Variants in CCZ1 observed in about 807,000 individuals in gnomAD.
CCZ1 encodes the protein CCZ1 vacuolar protein trafficking and biogenesis associated, also known as vacuolar fusion protein CCZ1 homolog.
CCZ1 carries 19 observed loss-of-function variants against 57.8 expected under a neutral mutation model. The observed-to-expected ratio is 0.33, with a 90% confidence interval of 0.23 to 0.48. CCZ1 has a LOEUF of 0.48. Among genes scored for constraint, CCZ1 ranks in the 20% least tolerant of loss-of-function variants. CCZ1 has a pLI of 0.99. For synonymous variants in CCZ1, 81 were observed against 167.0 expected (o/e 0.49, Z 3.97); for missense variants, 200 against 492.0 (o/e 0.41, Z 5.61).
At chr7:5,911,390 A>G (rs947108103) in intron 8 of CCZ1, among the ~76,000 whole-genome samples, 1 of 148,446 alleles carries the variant, frequency 6.7e-6, no homozygotes, top group African/African-American at 2.5e-5. Context: ...ATGGTCTCAA[A>G]CTCCTGGGCT....
chr7:5,911,944 T>A (rs1376051218), intron 9 of CCZ1, 22 bp downstream of exon 9: 1 of 1,550,982 alleles, frequency 6.4e-7, no homozygotes. Flanking sequence ...GTTCTTTGAT[T>A]TATGATACTG....
At chr7:5,900,197 C>T (rs1411421112) in intron 1 of CCZ1, 87 bp from the exon 2 acceptor site, 27 of 1,403,662 alleles carry the variant, frequency 1.9e-5, no homozygotes, top group Non-Finnish European at 2.6e-5. Context: ...ATGTGTGACA[C>T]AAGAGGTCGA....
rs530508568 is a variant in CCZ1 at position 5,902,923 on chromosome 7, G to T, written c.522+179G>T. Among the ~76,000 whole-genome samples, 34 of 148,886 alleles carry T rather than the reference G, an allele frequency of 2.3e-4. 8 individuals carry two copies. In the East Asian group the frequency reaches 7.7e-3, roughly 34 times the overall value. On this transcript the variant is annotated intron_variant, in intron 6 of 14. Transcript: ENST00000325974. ...AGGAAACGCATGAGGCTTGTGCTCTGGAACCTTCCCTCCAGCTGTGGTGTA... is the reference window on the plus strand; with the variant it reads ...AGGAAACGCATGAGGCTTGTGCTCTTGAACCTTCCCTCCAGCTGTGGTGTA...
intron 7 of CCZ1, among the ~76,000 whole-genome samples, chr7:5,907,754 C>G (rs192650922): frequency 1.2e-4 from 16 of 132,172 alleles, no homozygotes; most frequent in Admixed American, 7.7e-4. Context: ...GTTGTCACCT[C>G]CAGTGTGCTC....
chr7:5,910,160 C>T, intron 8 of CCZ1, 44 bp downstream of exon 8: 1 of 1,519,340 alleles, frequency 6.6e-7, no homozygotes, highest in Non-Finnish European at 9.1e-7. Context: ...TGCAGGGGCA[C>T]AGAGAGGGCA....
intron 7 of CCZ1, among the ~76,000 whole-genome samples, chr7:5,905,803 AAAAAG>A (rs1781800172): frequency 7.3e-6 from 1 of 136,870 alleles, no homozygotes; most frequent in African/African-American, 2.7e-5. Flanking sequence ...AAAAAAAAAA[AAAAAG>A]AGAAAATGTT....
At chr7:5,905,554 C>G (rs1451182446) in intron 7 of CCZ1, among the ~76,000 whole-genome samples, 4 of 145,584 alleles carry the variant, frequency 2.7e-5, no homozygotes, top group Non-Finnish European at 4.5e-5. Flanking sequence ...GAGGCTGAGG[C>G]GGGTGAATCA....
At chr7:5,900,050 T>C (rs1385551302) in intron 1 of CCZ1, among the ~76,000 whole-genome samples, 1 of 150,798 alleles carries the variant, frequency 6.6e-6, no homozygotes, top group East Asian at 2.0e-4. Context: ...TTTTAAATAA[T>C]AGAGACGTCT....
At chr7:5,899,288 T>TAATAGTTTTCGCCCAAATGAG (rs1258441627) in intron 1 of CCZ1, among the ~76,000 whole-genome samples, 7 of 135,286 alleles carry the variant, frequency 5.2e-5, no homozygotes, top group Non-Finnish European at 1.1e-4. Flanking sequence ...GAGGTCCCTG[T>TAATAGTTTTCGCCCAAATGAG]AATAGTTTTC....
chr7:5,902,877 C>G lies in CCZ1; in HGVS notation c.522+133C>G, dbSNP rs542647776. 4.4e-6 allele frequency: 5 copies of G among 1,141,330 alleles called. 1 individual carries two copies. Among genetic ancestry groups the G allele is most frequent in the South Asian group, 3.6e-5 (2 of 56,338 alleles). 70.7% of individuals were successfully genotyped at this position (1,141,330 alleles called of 1,614,324 possible). On this transcript the variant is annotated intron_variant, in intron 6 of 14. Transcript: ENST00000325974. ...AAGTGGCAAAGAGCCTGAGACAGAC[C>G]GTCGCAAAACTGGAGCAGCGAGGAA...
At chr7:5,906,267 G>C (rs954466275) in intron 7 of CCZ1, among the ~76,000 whole-genome samples, 1 of 146,358 alleles carries the variant, frequency 6.8e-6, no homozygotes, top group African/African-American at 2.5e-5. Context: ...GCTTGCAGCT[G>C]TTCTGGGACC....
Position 5,910,714 on chromosome 7 carries a change from A to ATTTTAT in CCZ1, c.780+601_780+602insTATTTT, listed in dbSNP as rs374723776. Among the ~76,000 whole-genome samples the ATTTTAT allele has an allele frequency of 1.3e-3, 135 of 103,284 alleles. 4 individuals carry two copies. The highest frequency in any genetic ancestry group is 4.0e-3 in the African/African-American group (107 of 26,854). 67.8% of individuals were successfully genotyped at this position (103,284 alleles called of 152,430 possible). ...TTAATTTATGTATTTTATTTTATTTATTTATTTATTTATTTATTTATTTAT... is the reference window on the plus strand; with the variant it reads ...TTAATTTATGTATTTTATTTTATTTATTTTATTTTATTTATTTATTTATTTATTTAT... On this transcript the variant is annotated intron_variant, in intron 8 of 14. Coordinates refer to ENST00000325974, the MANE Select transcript of CCZ1 (RefSeq NM_015622.6).
At chr7:5,902,476 C>A in intron 5 of CCZ1, 185 bp from the exon 6 acceptor site, 1 of 1,136,708 alleles carries the variant, frequency 8.8e-7, no homozygotes, top group Non-Finnish European at 1.2e-6. Context: ...GACAGCATCA[C>A]TTAACAGTAT....
At chr7:5,915,524 T>TA (rs1779131329) in intron 10 of CCZ1, among the ~76,000 whole-genome samples, 1 of 147,550 alleles carries the variant, frequency 6.8e-6, no homozygotes, top group Non-Finnish European at 1.5e-5. Context: ...AAAGGGTCCT[T>TA]ACCTTTTTCT....
chr7:5,919,846 C>T lies in CCZ1; in HGVS notation c.989-3C>T, dbSNP rs1201389965. ...ACTGGTATTTTTTGTCATGACTTGCCAGCCTCTGTCCACCCAACGTTGGAT... is the reference window on the plus strand; with the variant it reads ...ACTGGTATTTTTTGTCATGACTTGCTAGCCTCTGTCCACCCAACGTTGGAT... On this transcript the variant is annotated splice_region_variant and splice_polypyrimidine_tract_variant and intron_variant, in intron 11 of 14. Coordinates refer to ENST00000325974, the MANE Select transcript of CCZ1 (RefSeq NM_015622.6). The T allele has an allele frequency of 1.2e-6, 2 of 1,610,812 alleles. No homozygotes were observed. The highest frequency in any genetic ancestry group is 1.3e-5 in the African/African-American group (1 of 74,612).
At position 5,901,671 on chromosome 7, in the gene CCZ1, C is replaced by T; in HGVS notation, c.405C>T (p.Ser135=). ...QEEELLDKVY[S]SVLRQCYSMY... ...CGCGTCTGCAGGACAAGGTTTATAGCTCGGTGCTGCGGCAGTGCTACAGCA... is the reference window on the plus strand; with the variant it reads ...CGCGTCTGCAGGACAAGGTTTATAGTTCGGTGCTGCGGCAGTGCTACAGCA... Residue 135 remains serine (S), a synonymous_variant, in exon 5 of 15, where the codon AGC becomes AGT. Coordinates refer to ENST00000325974, the MANE Select transcript of CCZ1 (RefSeq NM_015622.6). 2 of 1,598,484 alleles carry T rather than the reference C, an allele frequency of 1.3e-6. No homozygotes were observed. Among genetic ancestry groups the T allele is most frequent in the Admixed American group, 1.7e-5 (1 of 59,332 alleles).
chr7:5,912,148 G>C (rs1195942475), intron 9 of CCZ1, among the ~76,000 whole-genome samples: 1 of 111,342 alleles, frequency 9.0e-6, no homozygotes, highest in African/African-American at 2.8e-5. Flanking sequence ...AGTAGAAACA[G>C]GGTTTCATCA....
rs1206441882 is a variant in CCZ1, at chr7:5,920,959, T to G, written c.1106+993T>G. ...CATACGTTGTTTTTTGGGTTTTTTT[T>G]TTTTTTTTTTTTAAGACAGAGTCTC... On this transcript the variant is annotated intron_variant, in intron 12 of 14. Coordinates refer to ENST00000325974, the MANE Select transcript of CCZ1 (RefSeq NM_015622.6). Among the ~76,000 whole-genome samples the G allele has an allele frequency of 7.0e-4, 80 of 114,828 alleles. 2 individuals carry two copies. The highest frequency in any genetic ancestry group is 2.3e-3 in the African/African-American group (67 of 28,614). The allele number at this position is 114,828 out of a possible 152,430, so 75.3% of individuals were successfully genotyped here.
chr7:5,914,065 T>A (rs1402567176), intron 10 of CCZ1, among the ~76,000 whole-genome samples: 6 of 145,808 alleles, frequency 4.1e-5, no homozygotes, highest in African/African-American at 1.5e-4. Flanking sequence ...AAAACAAAAC[T>A]AGAGGTCTCG....
Sources: gnomAD v4.1 joint callset for allele counts (sites outside exome capture counted in the v4.1 genomes callset) on GRCh38, gnomAD v4.1.1 for gene constraint, MANE v1.5 for transcripts, NCBI Gene and HGNC (gene_info 2026-07-23, HGNC 2026-07-21) for gene names.